CDH13: variants seen among roughly 807,000 people sequenced by gnomAD.
CDH13 encodes cadherin-13.
Under a neutral mutation model 63.8 loss-of-function variants are expected in CDH13, and 24 were observed. The ratio of observed to expected loss-of-function variants is 0.38; its 90% CI spans 0.27 to 0.53. CDH13 has a LOEUF of 0.53. CDH13 is among the 20% of genes least tolerant of loss of function. The pLI is 0.85. For missense variants in CDH13, 1,049 were observed against 903.1 expected (o/e 1.16, Z -2.07); for synonymous variants, 503 against 355.3 (o/e 1.42, Z -4.67).
chr16:82,838,465 A>G (rs534587460), intron 1 of CDH13, among the ~76,000 whole-genome samples: 3 of 152,174 alleles, frequency 2.0e-5, no homozygotes, highest in Non-Finnish European at 4.4e-5. Flanking sequence ...CTTCCTGTTT[A>G]TTGACTTAAA....
intron 4 of CDH13, among the ~76,000 whole-genome samples, chr16:83,157,738 TAAAAAAAAAAAAA>T (rs58336254): frequency 4.0e-5 from 4 of 99,524 alleles, no homozygotes; most frequent in African/African-American, 1.3e-4. Flanking sequence ...ACTAGAAATA[TAAAAAAAAAAAAA>T]AAAAAAAAAA....
At chr16:83,223,120 G>A (rs1239030901) in intron 5 of CDH13, among the ~76,000 whole-genome samples, 2 of 152,146 alleles carry the variant, frequency 1.3e-5, no homozygotes, top group African/African-American at 4.8e-5. Context: ...TTGTACTGCT[G>A]TAACAAAATA....
chr16:82,958,043 C>T (rs761415633), intron 2 of CDH13, among the ~76,000 whole-genome samples: 1 of 152,146 alleles, frequency 6.6e-6, no homozygotes, highest in Non-Finnish European at 1.5e-5. Context: ...GGGTGAGGCA[C>T]CACAGCTCTG....
chr16:83,644,531 T>C, intron 8 of CDH13, among the ~76,000 whole-genome samples: 1 of 152,210 alleles, frequency 6.6e-6, no homozygotes, highest in East Asian at 1.9e-4. Context: ...ACATTGCAGT[T>C]TATAGCTCTT....
At chr16:83,037,998 A>G (rs1019527092) in intron 3 of CDH13, among the ~76,000 whole-genome samples, 1 of 152,162 alleles carries the variant, frequency 6.6e-6, no homozygotes, top group Non-Finnish European at 1.5e-5. Context: ...AGGCCCTGAG[A>G]CAGAAGCCAG....
chr16:83,434,334 C>G (rs1409740700), intron 6 of CDH13, among the ~76,000 whole-genome samples: 1 of 152,180 alleles, frequency 6.6e-6, no homozygotes, highest in Non-Finnish European at 1.5e-5. Context: ...ATAGCCTTGG[C>G]TCTGAACCTA....
In CDH13 at chr16:83,027,601, T is replaced by G. The variant is rs146753853; in HGVS notation, c.158-4409T>G. 7.6e-4 allele frequency among the ~76,000 whole-genome samples: 116 copies of G among 152,296 alleles called. No individual in the cohort carries two copies. In the East Asian group the frequency reaches 0.022, roughly 28 times the overall value. On this transcript the variant is annotated intron_variant, in intron 2 of 13. Coordinates refer to ENST00000567109, the MANE Select transcript of CDH13 (RefSeq NM_001257.5). ...GGACCTTGAGTGCTAAGTATTGTTT[T>G]GCAATGAAGATCCATAATTATATGA... is the stretch of plus-strand genomic sequence containing the variant.
intron 1 of CDH13, among the ~76,000 whole-genome samples, chr16:82,720,545 A>G (rs950214680): frequency 7.9e-5 from 12 of 152,140 alleles, no homozygotes; most frequent in Non-Finnish European, 1.5e-4. Context: ...GGGGCAATTT[A>G]GATGTGACAG....
Position 83,472,477 on chromosome 16 carries a change from G to A in CDH13, c.782-14000G>A, listed in dbSNP as rs528521880. ...ACTCTGGAGCCCTGAGGTCGGCCCCGGGAGCTGGCTTGTAGCAGAGGCAGT... is the reference window on the plus strand; with the variant it reads ...ACTCTGGAGCCCTGAGGTCGGCCCCAGGAGCTGGCTTGTAGCAGAGGCAGT... On this transcript the variant is annotated intron_variant, in intron 6 of 13. Transcript: ENST00000567109. Among the ~76,000 whole-genome samples, 358 of 152,296 alleles carry A rather than the reference G, an allele frequency of 2.4e-3. 1 individual carries two copies. Among genetic ancestry groups the A allele is most frequent in the Non-Finnish European group, 4.2e-3 (283 of 68,010 alleles).
At chr16:83,192,366 G>T (rs189667726) in intron 4 of CDH13, among the ~76,000 whole-genome samples, 72 of 152,310 alleles carry the variant, frequency 4.7e-4, no homozygotes, top group African/African-American at 1.3e-3. Context: ...AGAATAAAGG[G>T]TCTTCTCCTG....
intron 12 of CDH13, among the ~76,000 whole-genome samples, chr16:83,781,257 C>T (rs1915500398): frequency 6.6e-6 from 1 of 152,200 alleles, no homozygotes; most frequent in Non-Finnish European, 1.5e-5. Context: ...TCCACAATCT[C>T]ACCCACTTTC....
At chr16:83,322,187 A>G (rs1278701248) in intron 5 of CDH13, among the ~76,000 whole-genome samples, 1 of 152,188 alleles carries the variant, frequency 6.6e-6, no homozygotes, top group Non-Finnish European at 1.5e-5. Context: ...CCAGCTACAG[A>G]CACATTATGT....
intron 1 of CDH13, among the ~76,000 whole-genome samples, chr16:82,735,325 T>C (rs2082376707): frequency 6.6e-6 from 1 of 152,206 alleles, no homozygotes; most frequent in African/African-American, 2.4e-5. Flanking sequence ...GTGACAGGAA[T>C]AGAAGCTGTC....
At chr16:83,566,219 A>G (rs1033309149) in intron 7 of CDH13, among the ~76,000 whole-genome samples, 1 of 152,056 alleles carries the variant, frequency 6.6e-6, no homozygotes, top group Admixed American at 6.5e-5. Context: ...TTCTGCTTGC[A>G]GTGGAAGGAA....
intron 5 of CDH13, among the ~76,000 whole-genome samples, chr16:83,298,482 A>T (rs905655410): frequency 6.6e-6 from 1 of 152,170 alleles, no homozygotes; most frequent in African/African-American, 2.4e-5. Flanking sequence ...TGCAAAAATA[A>T]TCTCTCACAG....
intron 6 of CDH13, among the ~76,000 whole-genome samples, chr16:83,411,799 T>C (rs1431635541): frequency 2.6e-5 from 4 of 152,196 alleles, no homozygotes; most frequent in Non-Finnish European, 5.9e-5. Context: ...GGTAGGAAAC[T>C]AACAAGTATG....
chr16:82,909,259 TG>T (rs2041749548), intron 2 of CDH13, among the ~76,000 whole-genome samples: 1 of 96,146 alleles, frequency 1.0e-5, no homozygotes, highest in Non-Finnish European at 2.0e-5. Context: ...TATATGTGTG[TG>T]TGTGTGTGTG....
intron 5 of CDH13, among the ~76,000 whole-genome samples, chr16:83,320,453 A>T (rs1326447959): frequency 6.6e-6 from 1 of 152,226 alleles, no homozygotes; most frequent in African/African-American, 2.4e-5. Flanking sequence ...AGAAAGTGGT[A>T]GGCTGGACAC....
intron 13 of CDH13, among the ~76,000 whole-genome samples, chr16:83,785,151 G>T (rs1166237367): frequency 1.3e-5 from 2 of 152,188 alleles, no homozygotes; most frequent in Non-Finnish European, 2.9e-5. Flanking sequence ...AGAGGAGTTT[G>T]TATACTGTCT....
Sources: gnomAD v4.1 joint callset for allele counts (sites outside exome capture counted in the v4.1 genomes callset) on GRCh38, gnomAD v4.1.1 for gene constraint, MANE v1.5 for transcripts, NCBI Gene and HGNC (gene_info 2026-07-23, HGNC 2026-07-21) for gene names.